Variants in DGKD observed in about 807,000 individuals in gnomAD.
DGKD encodes diacylglycerol kinase delta, also known as DAG kinase delta.
Under a neutral mutation model 154.4 loss-of-function variants are expected in DGKD, and 68 were observed. The observed-to-expected ratio is 0.44, with a 90% CI of 0.36 to 0.54. The LOEUF (loss-of-function observed/expected upper bound fraction) is 0.54. Among genes scored for constraint, DGKD ranks in the 20% least tolerant of loss-of-function variants. The probability of loss-of-function intolerance (pLI) is 0.00; values close to 1 mark genes in which losing one functional copy is unlikely to be tolerated. For synonymous variants in DGKD, 693 were observed against 638.0 expected (o/e 1.09, Z -1.30); for missense variants, 1,343 against 1,593.6 (o/e 0.84, Z 2.68).
chr2:233,414,799 C>T (rs2061919078), intron 3 of DGKD, among the ~76,000 whole-genome samples: 1 of 152,188 alleles, frequency 6.6e-6, no homozygotes, highest in African/African-American at 2.4e-5. Flanking sequence ...GATGACTGCC[C>T]TTCCATCCTG....
At chr2:233,396,694 C>T (rs1704056692) in intron 3 of DGKD, among the ~76,000 whole-genome samples, 1 of 152,098 alleles carries the variant, frequency 6.6e-6, no homozygotes, top group Non-Finnish European at 1.5e-5. Flanking sequence ...CTGAGGGAAG[C>T]ATGAGCCTGA....
chr2:233,407,002 A>G lies in DGKD; in HGVS notation c.348+16519A>G, dbSNP rs138919799. The stretch of plus-strand genomic sequence containing the variant: ...AAGAAGTTTGATGAAGTATATCATA[A>G]AGAAGGTCTTCCTTGTTAGCTGTGT... On this transcript the variant is annotated intron_variant, in intron 3 of 29. Coordinates refer to ENST00000264057, the MANE Select transcript of DGKD (RefSeq NM_152879.3). Among the ~76,000 whole-genome samples the G allele has an allele frequency of 3.1e-3, 475 of 152,336 alleles. 6 individuals carry two copies. The highest frequency in any genetic ancestry group is 0.019 in the Admixed American group (298 of 15,306).
At position 233,468,512 on chromosome 2, in the gene DGKD, C is replaced by T. The variant is rs781186417; in HGVS notation, c.3514C>T (p.Arg1172Trp). ...YKDIFTRHDI[R>W]GSELLHLERR... ...GGACATCTTCACACGGCACGACATC[C>T]GGGGCTCTGAGCTCCTGCACCTGGA... Residue 1172 changes from arginine to tryptophan, a missense_variant, in exon 29 of 30, where the codon CGG becomes TGG. Coordinates refer to ENST00000264057, the MANE Select transcript of DGKD (RefSeq NM_152879.3). 8 of 1,613,604 alleles carry T rather than the reference C, an allele frequency of 5.0e-6. No individual in the cohort carries two copies. Among genetic ancestry groups the T allele is most frequent in the East Asian group, 2.2e-5 (1 of 44,884 alleles).
At chr2:233,460,587 C>G (rs181649648) in intron 24 of DGKD, among the ~76,000 whole-genome samples, 2 of 152,290 alleles carry the variant, frequency 1.3e-5, no homozygotes, top group East Asian at 3.9e-4. Flanking sequence ...CAGGACCACT[C>G]GTTTAAAACC....
chr2:233,384,022 A>G (rs1343093566), intron 1 of DGKD, among the ~76,000 whole-genome samples: 1 of 152,032 alleles, frequency 6.6e-6, no homozygotes, highest in Non-Finnish European at 1.5e-5. Context: ...GTGATAATAT[A>G]CATGACAAAA....
chr2:233,441,804 G>A lies in DGKD; in HGVS notation c.1086-83G>A, dbSNP rs1342433322. 1 of 1,278,742 alleles carries A rather than the reference G, an allele frequency of 7.8e-7. No individual in the cohort carries two copies. The highest frequency in any genetic ancestry group is 1.1e-6 in the Non-Finnish European group (1 of 896,622). The allele number at this position is 1,278,742 out of a possible 1,614,324, so 79.2% of individuals were successfully genotyped here. A position where few individuals can be genotyped will look rare whatever the true frequency, so the allele number is the denominator to read the frequency against. On this transcript the variant is annotated intron_variant, in intron 9 of 29. Coordinates refer to ENST00000264057, the MANE Select transcript of DGKD (RefSeq NM_152879.3). The surrounding 1 kb of genome is among the most constrained non-coding windows in gnomAD (Gnocchi z 5.6). ...CAGGTCAGCCATGAGGAGCACAGGT[G>A]GCCCCTCAGCCCCGTACTGACAAGC...
At chr2:233,402,609 G>T (rs2125488438) in intron 3 of DGKD, among the ~76,000 whole-genome samples, 1 of 152,302 alleles carries the variant, frequency 6.6e-6, no homozygotes, top group East Asian at 1.9e-4. Context: ...ACCCCTCTGT[G>T]GGCCAGGCTC....
At chr2:233,401,979 G>A (rs922309419) in intron 3 of DGKD, among the ~76,000 whole-genome samples, 4 of 142,970 alleles carry the variant, frequency 2.8e-5, no homozygotes, top group African/African-American at 5.2e-5. Context: ...GGGGCCCCTC[G>A]TTTCTTACCT....
At chr2:233,403,992 A>G (rs987564089) in intron 3 of DGKD, among the ~76,000 whole-genome samples, 1 of 152,238 alleles carries the variant, frequency 6.6e-6, no homozygotes, top group Middle Eastern at 3.4e-3. Context: ...TGTTATATAC[A>G]TGTATAATTT....
intron 7 of DGKD, 28 bp downstream of exon 7, chr2:233,436,469 G>T: frequency 6.2e-7 from 1 of 1,603,936 alleles, no homozygotes. Flanking sequence ...GCCCGGGCTG[G>T]AGGGGAGGGC....
intron 3 of DGKD, among the ~76,000 whole-genome samples, chr2:233,424,092 G>A (rs187485153): frequency 2.0e-5 from 3 of 152,264 alleles, no homozygotes; most frequent in South Asian, 2.1e-4. Flanking sequence ...AGAATGTTGT[G>A]CCTCTACCCA....
At chr2:233,401,601 G>T (rs956039946) in intron 3 of DGKD, among the ~76,000 whole-genome samples, 2 of 152,058 alleles carry the variant, frequency 1.3e-5, no homozygotes, top group African/African-American at 4.8e-5. Context: ...ATTTAGAAGG[G>T]TCATATTCTG....
intron 3 of DGKD, among the ~76,000 whole-genome samples, chr2:233,393,822 C>G (rs900149922): frequency 6.6e-6 from 1 of 150,974 alleles, no homozygotes; most frequent in African/African-American, 2.4e-5. Context: ...GCTGGGATTA[C>G]AGACACATGC....
At chr2:233,395,045 A>G (rs1703917231) in intron 3 of DGKD, among the ~76,000 whole-genome samples, 2 of 152,072 alleles carry the variant, frequency 1.3e-5, no homozygotes, top group African/African-American at 4.8e-5. Flanking sequence ...AATCTGTCTT[A>G]TTTTAGTCAG....
chr2:233,444,894 G>A (rs2063015615), intron 10 of DGKD, among the ~76,000 whole-genome samples: 1 of 151,792 alleles, frequency 6.6e-6, no homozygotes, highest in South Asian at 2.1e-4. Flanking sequence ...TCATGGCCCT[G>A]GTCACTCTGT....
At position 233,354,891 on chromosome 2, in the gene DGKD, G is replaced by C. The variant is rs1373436747; in HGVS notation, c.156+217G>C. Reference sequence around the variant, plus strand: ...CCCGACGGACGGCGGGCGGCTGTGGGGCCGGGCGGGGGGCGCGCAGGTGGG... The same window carrying C: ...CCCGACGGACGGCGGGCGGCTGTGGCGCCGGGCGGGGGGCGCGCAGGTGGG... On this transcript the variant is annotated intron_variant, in intron 1 of 29. Transcript: ENST00000264057. The surrounding 1 kb of genome is among the most constrained non-coding windows in gnomAD (Gnocchi z 4.8). Among the ~76,000 whole-genome samples, 1 of 145,380 alleles carries C rather than the reference G, an allele frequency of 6.9e-6. No individual in the cohort carries two copies. The highest frequency in any genetic ancestry group is 1.5e-5 in the Non-Finnish European group (1 of 65,464).
chr2:233,403,386 C>G lies in DGKD; in HGVS notation c.348+12903C>G, dbSNP rs567905212. Among the ~76,000 whole-genome samples the G allele has an allele frequency of 2.6e-5, 4 of 151,870 alleles. No homozygotes were observed. In the East Asian group the frequency reaches 7.9e-4, roughly 30 times the overall value. On this transcript the variant is annotated intron_variant, in intron 3 of 29. Transcript: ENST00000264057. ...ACCAGCCTAGCCAACATGGTGAAAC[C>G]CTGTCTCTACTAAAAATACAAAAAT...
At chr2:233,410,035 G>T (rs191986096) in intron 3 of DGKD, among the ~76,000 whole-genome samples, 8 of 151,952 alleles carry the variant, frequency 5.3e-5, no homozygotes, top group African/African-American at 1.7e-4. Context: ...TCACCATGTT[G>T]TCCAGGCTGG....
intron 3 of DGKD, among the ~76,000 whole-genome samples, chr2:233,391,763 T>C (rs1360372206): frequency 6.6e-6 from 1 of 152,248 alleles, no homozygotes; most frequent in African/African-American, 2.4e-5. Flanking sequence ...TGTTTTATTT[T>C]ATTTATTGAT....
Sources: allele counts gnomAD v4.1 joint callset (sites outside exome capture counted in the v4.1 genomes callset), GRCh38; gene constraint gnomAD v4.1.1; non-coding constraint Gnocchi (gnomAD v3.1); transcripts MANE v1.5; gene names NCBI Gene and HGNC (gene_info 2026-07-23, HGNC 2026-07-21).